Variants in DOCK3 observed in about 807,000 individuals in gnomAD.
DOCK3 encodes the protein dedicator of cytokinesis 3.
Under a neutral mutation model 265.6 loss-of-function variants are expected in DOCK3, and 60 were observed. The ratio of observed to expected loss-of-function variants is 0.23; its 90% confidence interval spans 0.18 to 0.28. The LOEUF (loss-of-function observed/expected upper bound fraction) is 0.28. Ranked by LOEUF, DOCK3 falls within the 10% of genes least tolerant of loss-of-function variation. DOCK3 has a pLI of 1.00. For synonymous variants in DOCK3, 881 were observed against 938.0 expected (o/e 0.94, Z 1.11); for missense variants, 1,981 against 2,594.3 (o/e 0.76, Z 5.14).
At chr3:51,115,925 G>A (rs1222900728) in intron 9 of DOCK3, among the ~76,000 whole-genome samples, 1 of 152,036 alleles carries the variant, frequency 6.6e-6, no homozygotes, top group Admixed American at 6.6e-5. Flanking sequence ...GCTTGTTTTT[G>A]TCAAGTTTGT....
At chr3:50,929,511 T>C (rs1267173788) in intron 4 of DOCK3, among the ~76,000 whole-genome samples, 2 of 152,238 alleles carry the variant, frequency 1.3e-5, no homozygotes, top group African/African-American at 4.8e-5. Context: ...CTGGCCTTGC[T>C]TCTCATGTCA....
intron 9 of DOCK3, among the ~76,000 whole-genome samples, chr3:51,118,022 C>T (rs1015621739): frequency 4.6e-5 from 7 of 152,286 alleles, no homozygotes; most frequent in African/African-American, 1.7e-4. Context: ...TTTGCTCTTG[C>T]TTCACTAGTT....
chr3:51,380,051 G>A (rs2088494882), intron 51 of DOCK3, 74 bp from the exon 52 acceptor site: 1 of 1,428,934 alleles, frequency 7.0e-7, no homozygotes, highest in Admixed American at 1.9e-5. Context: ...TGCCCAGTTG[G>A]CCCAGCAAGA....
At chr3:51,137,466 G>A (rs965353879) in intron 9 of DOCK3, among the ~76,000 whole-genome samples, 3 of 152,210 alleles carry the variant, frequency 2.0e-5, no homozygotes, top group Non-Finnish European at 2.9e-5. Context: ...TACCCTCGTT[G>A]AGGATAAGAA....
At chr3:50,945,001 A>C (rs941655103) in intron 5 of DOCK3, among the ~76,000 whole-genome samples, 2 of 152,178 alleles carry the variant, frequency 1.3e-5, no homozygotes, top group Non-Finnish European at 2.9e-5. Flanking sequence ...ATAAAAACCC[A>C]AAAAAGCTTT....
At chr3:50,874,405 C>T (rs1459564251) in intron 3 of DOCK3, among the ~76,000 whole-genome samples, 5 of 151,744 alleles carry the variant, frequency 3.3e-5, no homozygotes, top group African/African-American at 1.2e-4. Flanking sequence ...ACCTGGGAGG[C>T]TGAAGCAGGA....
intron 3 of DOCK3, among the ~76,000 whole-genome samples, chr3:50,885,117 A>G (rs762578502): frequency 8.5e-5 from 13 of 152,100 alleles, no homozygotes; most frequent in Non-Finnish European, 1.6e-4. Flanking sequence ...TGCTTTTTCT[A>G]GAATATCATA....
intron 4 of DOCK3, among the ~76,000 whole-genome samples, chr3:50,901,863 C>G (rs1377518319): frequency 6.6e-6 from 1 of 152,184 alleles, no homozygotes; most frequent in African/African-American, 2.4e-5. Flanking sequence ...GTTGAAATCA[C>G]CCACCTTATG....
At chr3:50,741,410 G>A (rs1463454453) in intron 1 of DOCK3, among the ~76,000 whole-genome samples, 1 of 139,612 alleles carries the variant, frequency 7.2e-6, no homozygotes, top group African/African-American at 2.7e-5. Context: ...ATCTCCTAAA[G>A]CTATCCCTCC....
At chr3:51,249,002 C>T (rs2078999957) in intron 22 of DOCK3, among the ~76,000 whole-genome samples, 1 of 150,960 alleles carries the variant, frequency 6.6e-6, no homozygotes, top group Admixed American at 6.6e-5. Context: ...CCGGCAGCCG[C>T]CCCGTCTGAG....
intron 32 of DOCK3, among the ~76,000 whole-genome samples, chr3:51,316,595 C>T (rs918155163): frequency 1.3e-5 from 2 of 152,208 alleles, no homozygotes; most frequent in East Asian, 1.9e-4. Flanking sequence ...AGTATATAAT[C>T]GATTGCTCCG....
intron 26 of DOCK3, among the ~76,000 whole-genome samples, 163 bp from the exon 27 acceptor site, chr3:51,279,943 T>A (rs1348380909): frequency 6.6e-6 from 1 of 152,226 alleles, no homozygotes; most frequent in Non-Finnish European, 1.5e-5. Flanking sequence ...CTCCAGGCTT[T>A]CCTTAGCAGA....
intron 1 of DOCK3, among the ~76,000 whole-genome samples, chr3:50,733,923 A>G (rs750969579): frequency 4.6e-5 from 7 of 151,956 alleles, no homozygotes; most frequent in Non-Finnish European, 1.0e-4. Context: ...TCTTTAATAC[A>G]TGTTGTAGTT....
At chr3:50,889,978 T>G in intron 3 of DOCK3, 48 bp from the exon 4 acceptor site, 1 of 1,335,170 alleles carries the variant, frequency 7.5e-7, no homozygotes, top group Non-Finnish European at 9.7e-7. Flanking sequence ...TATGAAATGT[T>G]AATCACAATT....
chr3:51,336,950 A>G (rs2084915364), intron 35 of DOCK3: 2 of 452,638 alleles, frequency 4.4e-6, no homozygotes, highest in Non-Finnish European at 4.4e-6. Flanking sequence ...GCCTTCTACC[A>G]TTGTGTGGGT....
At chr3:50,936,459 C>T (rs990070114) in intron 5 of DOCK3, among the ~76,000 whole-genome samples, 6 of 151,674 alleles carry the variant, frequency 4.0e-5, no homozygotes, top group Non-Finnish European at 7.4e-5. Flanking sequence ...ATTCGGGAAG[C>T]TTAGTGAACT....
At chr3:51,249,273 C>T (rs1264002825) in intron 22 of DOCK3, among the ~76,000 whole-genome samples, 3 of 136,834 alleles carry the variant, frequency 2.2e-5, no homozygotes, top group Non-Finnish European at 4.8e-5. Context: ...GCCGCCCCTA[C>T]TGGGAAGTGA....
At chr3:51,291,290 T>G (rs199887527) in intron 27 of DOCK3, among the ~76,000 whole-genome samples, 1 of 146,198 alleles carries the variant, frequency 6.8e-6, no homozygotes, top group East Asian at 2.0e-4. Flanking sequence ...AGGAAAGAAA[T>G]AAGAAATATC....
intron 1 of DOCK3, among the ~76,000 whole-genome samples, chr3:50,763,017 A>G (rs1318891968): frequency 2.0e-5 from 3 of 152,058 alleles, no homozygotes; most frequent in Non-Finnish European, 4.4e-5. Context: ...TAAGTTCATC[A>G]TAAGTGGAAA....
Sources: gnomAD v4.1 joint callset for allele counts (sites outside exome capture counted in the v4.1 genomes callset) on GRCh38, gnomAD v4.1.1 for gene constraint, MANE v1.5 for transcripts, NCBI Gene and HGNC (gene_info 2026-07-23, HGNC 2026-07-21) for gene names.